CTNNBIP1: variants seen among roughly 807,000 people sequenced by gnomAD.
The protein encoded by CTNNBIP1 is beta-catenin-interacting protein 1.
A neutral mutation model predicts 11.8 loss-of-function variants in CTNNBIP1; 7 were observed. That is an observed-to-expected ratio of 0.60 (90% CI 0.34 to 1.12). The LOEUF (loss-of-function observed/expected upper bound fraction) is 1.12. Among genes scored for constraint, CTNNBIP1 ranks in the 50% most tolerant of loss-of-function variants. The pLI, the probability that CTNNBIP1 is intolerant of heterozygous loss-of-function variation, is 0.03. For missense variants in CTNNBIP1, 101 were observed against 113.4 expected (o/e 0.89, Z 0.50); for synonymous variants, 58 against 43.9 (o/e 1.32, Z -1.26).
In CTNNBIP1 at chr1:9,871,924, G is replaced by T; in HGVS notation, c.96+45C>A. 1 of 1,541,596 alleles carries T rather than the reference G, an allele frequency of 6.5e-7. No individual in the cohort carries two copies. ...AGCCCAGCAGGGCCCCTCCCTGGGA[G>T]ACCCTCCCTGGGGGCCCGCTGCCTG... On this transcript the variant is annotated intron_variant, in intron 4 of 5. Coordinates refer to ENST00000377263, the MANE Select transcript of CTNNBIP1 (RefSeq NM_020248.3). This position sits in a 1 kb window ranked among gnomAD's most constrained non-coding sequence, Gnocchi z 5.2.
chr1:9,859,314 T>C (rs1403549780), intron 5 of CTNNBIP1, among the ~76,000 whole-genome samples: 1 of 152,100 alleles, frequency 6.6e-6, no homozygotes, highest in Non-Finnish European at 1.5e-5. Context: ...TTTGCCCCTT[T>C]AGTGGAGTCC....
chr1:9,852,568 A>T (rs751119430), intron 5 of CTNNBIP1, among the ~76,000 whole-genome samples: 78 of 152,200 alleles, frequency 5.1e-4, no homozygotes, highest in Non-Finnish European at 9.1e-4. Context: ...ATATCACTGC[A>T]GGCAGAATTT....
chr1:9,905,772 T>C (rs1215377647), intron 1 of CTNNBIP1, among the ~76,000 whole-genome samples: 1 of 152,154 alleles, frequency 6.6e-6, no homozygotes. Context: ...ATTTGTTTAC[T>C]ATCTGTCTCT....
intron 1 of CTNNBIP1, among the ~76,000 whole-genome samples, chr1:9,890,992 C>T (rs950584488): frequency 1.3e-5 from 2 of 152,136 alleles, no homozygotes; most frequent in African/African-American, 2.4e-5. Flanking sequence ...CCAGAGAGTG[C>T]GATCAGACTG....
At chr1:9,908,255 C>T (rs1335688225) in intron 1 of CTNNBIP1, among the ~76,000 whole-genome samples, 1 of 151,912 alleles carries the variant, frequency 6.6e-6, no homozygotes, top group Non-Finnish European at 1.5e-5. Context: ...GACAGGGTTT[C>T]ACCATGTTGG....
rs1471291667 is a variant in CTNNBIP1 at position 9,871,298 on chromosome 1, G to A, written c.97-21C>T. The A allele has an allele frequency of 1.3e-6, 2 of 1,538,590 alleles. No individual in the cohort carries two copies. Among genetic ancestry groups the A allele is most frequent in the Middle Eastern group, 1.8e-4 (1 of 5,590 alleles). ...GTCAGCTGCAGGGTGAGAGAGCTGT[G>A]GTGAGGGGCAGCATGCACCTGTTCC... On this transcript the variant is annotated intron_variant, in intron 4 of 5. Coordinates refer to ENST00000377263, the MANE Select transcript of CTNNBIP1 (RefSeq NM_020248.3). This position sits in a 1 kb window ranked among gnomAD's most constrained non-coding sequence, Gnocchi z 5.2.
At chr1:9,885,954 C>G (rs1639180543) in intron 1 of CTNNBIP1, among the ~76,000 whole-genome samples, 1 of 146,944 alleles carries the variant, frequency 6.8e-6, no homozygotes, top group South Asian at 2.1e-4. Context: ...AAAAAAAAAG[C>G]ACTTGGCCCA....
chr1:9,905,949 G>A (rs1009381926), intron 1 of CTNNBIP1, among the ~76,000 whole-genome samples: 2 of 152,120 alleles, frequency 1.3e-5, no homozygotes, highest in African/African-American at 2.4e-5. Context: ...TATAAGAGTA[G>A]ACAAAAAGAG....
rs1268761947 is a variant in CTNNBIP1, at chr1:9,883,091, C to T, written c.-110+614G>A. On this transcript the variant is annotated intron_variant, in intron 2 of 5. Coordinates refer to ENST00000377263, the MANE Select transcript of CTNNBIP1 (RefSeq NM_020248.3). The surrounding 1 kb of genome is among the most constrained non-coding windows in gnomAD (Gnocchi z 5.6). ...GCAGAGCCAGAGCAGTCAGGAACAG[C>T]GGGTGCCTGGGTGGCAGCAGCGGGA... Among the ~76,000 whole-genome samples, 1 of 151,952 alleles carries T rather than the reference C, an allele frequency of 6.6e-6. No individual in the cohort carries two copies. The highest frequency in any genetic ancestry group is 1.5e-5 in the Non-Finnish European group (1 of 67,992).
chr1:9,873,599 G>A (rs755390158), intron 3 of CTNNBIP1, among the ~76,000 whole-genome samples: 14 of 152,178 alleles, frequency 9.2e-5, no homozygotes, highest in Non-Finnish European at 2.1e-4. Context: ...CTTGCACCCC[G>A]AACCTGGGTG....
At chr1:9,860,586 T>C (rs1358798327) in intron 5 of CTNNBIP1, among the ~76,000 whole-genome samples, 1 of 145,930 alleles carries the variant, frequency 6.9e-6, no homozygotes, top group African/African-American at 2.6e-5. Context: ...TTCTGCATTC[T>C]GGCATGGGCA....
At chr1:9,874,789 T>C (rs1212865426) in intron 3 of CTNNBIP1, among the ~76,000 whole-genome samples, 1 of 152,238 alleles carries the variant, frequency 6.6e-6, no homozygotes, top group Non-Finnish European at 1.5e-5. Flanking sequence ...CCAAATGTCA[T>C]TGTGTTAAGA....
chr1:9,892,580 G>A (rs1470243822), intron 1 of CTNNBIP1, among the ~76,000 whole-genome samples: 4 of 149,230 alleles, frequency 2.7e-5, no homozygotes, highest in Admixed American at 1.3e-4. Flanking sequence ...GCAACAGAGC[G>A]AGACTGTCTC....
chr1:9,905,969 TC>T lies in CTNNBIP1; in HGVS notation c.-144+4125del. Among the ~76,000 whole-genome samples, 10 of 152,272 alleles carry T rather than the reference TC, an allele frequency of 6.6e-5. 1 individual carries two copies. Among genetic ancestry groups the T allele is most frequent in the African/African-American group, 2.4e-4 (10 of 41,560 alleles). ...GAGTAGACAAAAAGAGACAAAAATC[TC>T]TGCTCTCAAAGAGCTTAAATGCTGG... On this transcript the variant is annotated intron_variant, in intron 1 of 5. Coordinates refer to ENST00000377263, the MANE Select transcript of CTNNBIP1 (RefSeq NM_020248.3).
chr1:9,866,115 G>A (rs1262448243), intron 5 of CTNNBIP1, among the ~76,000 whole-genome samples: 2 of 152,242 alleles, frequency 1.3e-5, no homozygotes, highest in East Asian at 3.8e-4. Context: ...CCAAGCTCAA[G>A]GAGCTCAGAG....
intron 1 of CTNNBIP1, among the ~76,000 whole-genome samples, chr1:9,887,385 G>A (rs1639208304): frequency 6.6e-6 from 1 of 152,200 alleles, no homozygotes. Context: ...TCTGGCTCAG[G>A]AGTTGACAGA....
intron 2 of CTNNBIP1, among the ~76,000 whole-genome samples, chr1:9,879,215 T>C (rs1639033288): frequency 1.3e-5 from 2 of 151,634 alleles, no homozygotes; most frequent in African/African-American, 2.4e-5. Flanking sequence ...AAATGGGTGC[T>C]TTTACACCCA....
intron 5 of CTNNBIP1, among the ~76,000 whole-genome samples, chr1:9,853,466 C>A (rs1305844045): frequency 6.6e-6 from 1 of 152,216 alleles, no homozygotes; most frequent in African/African-American, 2.4e-5. Context: ...ATGACTCGAT[C>A]CCTCAGAGCT....
intron 5 of CTNNBIP1, among the ~76,000 whole-genome samples, chr1:9,857,415 C>T (rs573734547): frequency 1.5e-4 from 22 of 149,120 alleles, no homozygotes; most frequent in South Asian, 4.4e-4. Flanking sequence ...GGCGTGAACC[C>T]GGGAGGCAGA....
Sources: gnomAD v4.1 joint callset for allele counts (sites outside exome capture counted in the v4.1 genomes callset) on GRCh38, gnomAD v4.1.1 for gene constraint, Gnocchi (gnomAD v3.1) non-coding constraint, MANE v1.5 for transcripts, NCBI Gene and HGNC (gene_info 2026-07-23, HGNC 2026-07-21) for gene names.